The following HSPG2 variants were observed in gnomAD, a reference collection of about 807,000 sequenced individuals.
The protein encoded by HSPG2 is heparan sulfate proteoglycan 2, also known as basement membrane-specific heparan sulfate proteoglycan core protein.
In HSPG2, 278 loss-of-function variants were observed where a neutral mutation model predicts 526.6. The observed-to-expected ratio is 0.53, with a 90% confidence interval of 0.48 to 0.58. The LOEUF (loss-of-function observed/expected upper bound fraction) is 0.58, where lower values mean the gene tolerates loss of function less well. HSPG2 is among the 20% of genes least tolerant of loss of function. HSPG2 has a pLI of 0.00. For synonymous variants in HSPG2, 2,465 were observed against 2,555.4 expected (o/e 0.96, Z 1.07); for missense variants, 5,354 against 6,099.5 (o/e 0.88, Z 4.07).
At chr1:21,831,149 C>T (rs1395410485) in intron 84 of HSPG2, 59 bp from the exon 85 acceptor site, 3 of 1,603,656 alleles carry the variant, frequency 1.9e-6, no homozygotes, top group Non-Finnish European at 2.6e-6. Context: ...ATAATCCCCA[C>T]AGGGGCCAGC....
At chr1:21,899,649 T>A (rs571956763) in intron 1 of HSPG2, among the ~76,000 whole-genome samples, 36 of 152,204 alleles carry the variant, frequency 2.4e-4, no homozygotes, top group Non-Finnish European at 3.5e-4. Flanking sequence ...TGGGAGTCAC[T>A]CTTGCAAAGC....
In HSPG2 at chr1:21,824,455, C is replaced by A; in HGVS notation, c.12745-79G>T. ...CCGAGGCCAGGGGGCTCTGCTTTCCCCTCCCCCCACCACTCCGGCCACCAG... is the reference window on the plus strand; with the variant it reads ...CCGAGGCCAGGGGGCTCTGCTTTCCACTCCCCCCACCACTCCGGCCACCAG... On this transcript the variant is annotated intron_variant, in intron 93 of 96. Transcript: ENST00000374695. The surrounding 1 kb of genome is among the most constrained non-coding windows in gnomAD (Gnocchi z 5.9). The A allele has an allele frequency of 6.2e-7, 1 of 1,601,086 alleles. No homozygotes were observed.
intron 1 of HSPG2, among the ~76,000 whole-genome samples, chr1:21,902,936 C>T (rs958895926): frequency 2.6e-5 from 4 of 152,204 alleles, no homozygotes; most frequent in Non-Finnish European, 4.4e-5. Context: ...GTGAACAACA[C>T]GTGGAAGGCA....
chr1:21,922,884 A>C (rs1002264819), intron 1 of HSPG2, among the ~76,000 whole-genome samples: 13 of 152,202 alleles, frequency 8.5e-5, no homozygotes, highest in African/African-American at 3.1e-4. Flanking sequence ...GTGGGAAGCC[A>C]GACTGACTTA....
intron 30 of HSPG2, 103 bp from the exon 31 acceptor site, chr1:21,873,194 T>C: frequency 8.5e-7 from 1 of 1,176,962 alleles, no homozygotes; most frequent in Non-Finnish European, 1.3e-6. Context: ...ATTTCTGATG[T>C]GAGTACTCAA....
intron 69 of HSPG2, 128 bp from the exon 70 acceptor site, chr1:21,841,801 G>A: frequency 7.4e-7 from 1 of 1,349,042 alleles, no homozygotes; most frequent in East Asian, 2.4e-5. Flanking sequence ...AGCTCATGGA[G>A]TCGCAGATAG....
intron 81 of HSPG2, among the ~76,000 whole-genome samples, chr1:21,832,200 TGTATCA>T (rs1334868281): frequency 6.6e-6 from 1 of 152,220 alleles, no homozygotes; most frequent in Admixed American, 6.5e-5. Flanking sequence ...TTGTTTTACC[TGTATCA>T]GTGCCTGGCA....
At chr1:21,911,729 A>G (rs928935768) in intron 1 of HSPG2, among the ~76,000 whole-genome samples, 23 of 152,098 alleles carry the variant, frequency 1.5e-4, no homozygotes, top group African/African-American at 5.3e-4. Flanking sequence ...TCCCTGGTGC[A>G]CAGCCCCACT....
intron 55 of HSPG2, 172 bp downstream of exon 55, chr1:21,851,372 TCA>T: frequency 1.2e-6 from 1 of 842,506 alleles, no homozygotes; most frequent in African/African-American, 1.7e-5. Context: ...GAGCCAGAAT[TCA>T]CACCCAGGTT....
intron 80 of HSPG2, 195 bp from the exon 81 acceptor site, chr1:21,832,801 C>T: frequency 1.7e-6 from 1 of 602,368 alleles, no homozygotes; most frequent in South Asian, 2.0e-5. Context: ...TACTGAGCGC[C>T]CCTAGAAAGA....
chr1:21,839,975 G>A lies in HSPG2; in HGVS notation c.9556C>T (p.Leu3186Phe). ...GCTGTGCCTAGTGCATTCTGAGCAA[G>A]GCACACATAAGTGCCCGCATCTGAT... ...KPSDAGTYVCLAQNALGTAQK... is the reference protein window; with the variant it reads ...KPSDAGTYVCFAQNALGTAQK... Residue 3186 changes from leucine (L) to phenylalanine (F), a missense_variant, in exon 72 of 97, where the codon CTT becomes TTT. Physicochemically the swap from Leu to Phe is conservative, Grantham distance 22. Coordinates refer to ENST00000374695, the MANE Select transcript of HSPG2 (RefSeq NM_005529.7). The surrounding 1 kb of genome is among the most constrained non-coding windows in gnomAD (Gnocchi z 4.5). The A allele has an allele frequency of 1.2e-6, 2 of 1,614,178 alleles. No individual in the cohort carries two copies. The highest frequency in any genetic ancestry group is 1.7e-6 in the Non-Finnish European group (2 of 1,180,044).
At chr1:21,841,077 C>T (rs956083742) in intron 71 of HSPG2, 24 bp downstream of exon 71, 3 of 1,576,780 alleles carry the variant, frequency 1.9e-6, no homozygotes, top group Non-Finnish European at 1.7e-6. Context: ...GGCCTCAGAC[C>T]CAGAGAGGCA....
At chr1:21,855,744 C>T (rs765597146) in intron 45 of HSPG2, 43 bp downstream of exon 45, 5 of 1,609,270 alleles carry the variant, frequency 3.1e-6, no homozygotes, top group Non-Finnish European at 4.2e-6. Context: ...CTCCCACACC[C>T]AGGAGAGTCA....
chr1:21,880,942 A>G (rs1028891211), intron 14 of HSPG2, 107 bp from the exon 15 acceptor site: 37 of 1,159,092 alleles, frequency 3.2e-5, no homozygotes, highest in Non-Finnish European at 4.6e-5. Flanking sequence ...TGCCTACCTG[A>G]GACTTACTGT....
chr1:21,926,246 G>C (rs1176948764), intron 1 of HSPG2, among the ~76,000 whole-genome samples: 1 of 152,192 alleles, frequency 6.6e-6, no homozygotes. Flanking sequence ...GGGAGGCCTG[G>C]CTCTAAAGAG....
intron 75 of HSPG2, 39 bp downstream of exon 75, chr1:21,836,763 A>G (rs369659382): frequency 5.3e-6 from 8 of 1,509,340 alleles, no homozygotes; most frequent in East Asian, 2.4e-5. Flanking sequence ...GCCCTGGGCT[A>G]TGCTGCCCAA....
chr1:21,931,276 C>T (rs35077760), intron 1 of HSPG2, among the ~76,000 whole-genome samples: 1,846 of 152,346 alleles, frequency 0.012, 21 homozygotes, highest in South Asian at 0.026. Flanking sequence ...GCAGTGAGGC[C>T]GGCGGCTCCC....
In HSPG2 at chr1:21,824,079, G is replaced by A; in HGVS notation, c.12899+42C>T. ...GTAGGGGGCGTCCTGCCCCACTCCAGAACGCTGGGCCCCATCCCGAGTGCC... is the reference window on the plus strand; with the variant it reads ...GTAGGGGGCGTCCTGCCCCACTCCAAAACGCTGGGCCCCATCCCGAGTGCC... On this transcript the variant is annotated intron_variant, in intron 95 of 96. Coordinates refer to ENST00000374695, the MANE Select transcript of HSPG2 (RefSeq NM_005529.7). The surrounding 1 kb of genome is among the most constrained non-coding windows in gnomAD (Gnocchi z 5.9). 6.4e-7 allele frequency: 1 copy of A among 1,568,198 alleles called. No homozygotes were observed.
intron 37 of HSPG2, among the ~76,000 whole-genome samples, chr1:21,863,068 A>AAACAAAAAAAAAC (rs1557740481): frequency 0.016 from 1,037 of 66,242 alleles, 43 homozygotes; most frequent in South Asian, 0.079. Flanking sequence ...CTCAAAAAAA[A>AAACAAAAAAAAAC]AAAAAAAAAA....
Sources: gnomAD v4.1 joint callset for allele counts (sites outside exome capture counted in the v4.1 genomes callset) on GRCh38, gnomAD v4.1.1 for gene constraint, Gnocchi (gnomAD v3.1) non-coding constraint, MANE v1.5 for transcripts, NCBI Gene and HGNC (gene_info 2026-07-23, HGNC 2026-07-21) for gene names.